Variants in WDR12 observed in about 807,000 individuals in gnomAD.
WDR12 encodes WD repeat domain 12.
Under a neutral mutation model 64.3 loss-of-function variants are expected in WDR12, and 42 were observed. The observed-to-expected ratio is 0.65, with a 90% confidence interval of 0.51 to 0.84. WDR12 has a LOEUF of 0.84. Among genes scored for constraint, WDR12 ranks in the 40% least tolerant of loss-of-function variants. WDR12 has a pLI of 0.00. For synonymous variants in WDR12, 158 were observed against 173.3 expected, an observed-to-expected ratio of 0.91 and a Z score of 0.70; for missense variants, 469 against 494.6, an observed-to-expected ratio of 0.95 and a Z score of 0.49.
At chr2:202,896,340 C>G in intron 5 of WDR12, 121 bp from the exon 6 acceptor site, 1 of 1,095,842 alleles carries the variant, frequency 9.1e-7, no homozygotes, top group Non-Finnish European at 1.3e-6. Flanking sequence ...AAAAAGATAA[C>G]TCATATGGCC....
chr2:202,907,547 C>T (rs1006207345), intron 2 of WDR12, among the ~76,000 whole-genome samples: 2 of 152,182 alleles, frequency 1.3e-5, no homozygotes, highest in African/African-American at 4.8e-5. Context: ...GCCTGCATAA[C>T]TCAGCCCTCT....
rs1391971079 is a variant in WDR12, at chr2:202,878,443, AAAG to A, written c.*2414_*2416del. On this transcript the variant is annotated 3_prime_UTR_variant, in exon 13 of 13. Coordinates refer to ENST00000261015, the MANE Select transcript of WDR12 (RefSeq NM_018256.4). ...TATACCAATCAGCACAAAATGAGAA[AAAG>A]AAGGATTCTGTGCATGAATTTTCTG... The A allele has an allele frequency of 1.3e-5, 2 of 152,226 alleles. No individual in the cohort carries two copies. Among genetic ancestry groups the A allele is most frequent in the East Asian group, 3.8e-4 (2 of 5,198 alleles). The allele number at this position is 152,226 out of a possible 1,614,324, so 9.4% of individuals were successfully genotyped here. A position where few individuals can be genotyped will look rare whatever the true frequency, so the allele number is the denominator to read the frequency against.
At chr2:202,901,181 T>C in intron 2 of WDR12, 62 bp from the exon 3 acceptor site, 1 of 1,295,944 alleles carries the variant, frequency 7.7e-7, no homozygotes, top group Non-Finnish European at 1.1e-6. Context: ...GGCAGAGGTA[T>C]ATGAGAACTC....
intron 6 of WDR12, 68 bp from the exon 7 acceptor site, chr2:202,894,694 G>C: frequency 7.5e-7 from 1 of 1,332,166 alleles, no homozygotes; most frequent in Non-Finnish European, 1.0e-6. Flanking sequence ...TACAACAGTA[G>C]GTCTCTTCCT....
chr2:202,901,612 A>G (rs1205262746), intron 2 of WDR12, among the ~76,000 whole-genome samples: 1 of 152,232 alleles, frequency 6.6e-6, no homozygotes, highest in African/African-American at 2.4e-5. Flanking sequence ...GCTTTCAAAA[A>G]TCAGCATCCA....
At chr2:202,891,878 ACAGAG>A (rs1688162406) in intron 8 of WDR12, among the ~76,000 whole-genome samples, 1 of 152,210 alleles carries the variant, frequency 6.6e-6, no homozygotes, top group Admixed American at 6.5e-5. Flanking sequence ...TCATGGAAGC[ACAGAG>A]TACAACAGTG....
intron 3 of WDR12, among the ~76,000 whole-genome samples, chr2:202,900,569 ATTATAAG>A (rs1472735809): frequency 6.6e-6 from 1 of 152,162 alleles, no homozygotes; most frequent in African/African-American, 2.4e-5. Context: ...ACAAGCAACA[ATTATAAG>A]TTATATTTTT....
chr2:202,898,636 C>T (rs1349680465), intron 4 of WDR12, among the ~76,000 whole-genome samples: 1 of 152,174 alleles, frequency 6.6e-6, no homozygotes, highest in African/African-American at 2.4e-5. Context: ...GATATCTGTA[C>T]CTTCTTTGCT....
At chr2:202,882,653 A>T in intron 12 of WDR12, 58 bp downstream of exon 12, 1 of 1,557,030 alleles carries the variant, frequency 6.4e-7, no homozygotes, top group East Asian at 2.3e-5. Flanking sequence ...TTATAAACAC[A>T]AACACCAGAT....
chr2:202,895,781 C>T lies in WDR12; in HGVS notation c.609+284G>A, dbSNP rs565182823. On this transcript the variant is annotated intron_variant, in intron 6 of 12. Transcript: ENST00000261015. ...CTGACCTCAGGTGATCTGCCCGCCT[C>T]GGCCTCCCAAAGTGCTGGGATTACA... Among the ~76,000 whole-genome samples the T allele has an allele frequency of 1.0e-3, 152 of 151,194 alleles. No homozygotes were observed. In the Middle Eastern group the frequency reaches 0.01, roughly 10 times the overall value.
In WDR12 at chr2:202,874,405, A is replaced by G. The variant is rs1687822265; in HGVS notation, c.*6455T>C. 6.6e-6 allele frequency among the ~76,000 whole-genome samples: 1 copy of G among 152,218 alleles called. No individual in the cohort carries two copies. Among genetic ancestry groups the G allele is most frequent in the South Asian group, 2.1e-4 (1 of 4,832 alleles). On this transcript the variant is annotated 3_prime_UTR_variant, in exon 13 of 13. Transcript: ENST00000261015. ...TTTTACAAGCTAACTAGACAAGAACATTAGATGACTTGGAATGTAGGGCTC... is the reference window on the plus strand; with the variant it reads ...TTTTACAAGCTAACTAGACAAGAACGTTAGATGACTTGGAATGTAGGGCTC...
intron 2 of WDR12, among the ~76,000 whole-genome samples, chr2:202,904,446 A>G (rs527387522): frequency 7.1e-4 from 108 of 152,334 alleles, no homozygotes; most frequent in African/African-American, 2.5e-3. Context: ...AAATTATACT[A>G]CAGAGCTATA....
At chr2:202,888,317 C>G (rs2105904869) in intron 8 of WDR12, among the ~76,000 whole-genome samples, 1 of 152,260 alleles carries the variant, frequency 6.6e-6, no homozygotes, top group South Asian at 2.1e-4. Flanking sequence ...GGAAAGTTGA[C>G]AAGAAGGGGC....
In WDR12 at chr2:202,883,751, G is replaced by A. The variant is rs1445846927; in HGVS notation, c.989-10C>T. 2.5e-6 allele frequency: 4 copies of A among 1,604,524 alleles called. No individual in the cohort carries two copies. In the Admixed American group the frequency reaches 5.3e-5, roughly 21 times the overall value. ...GACACCAAAGAACCATCTGAACAAA[G>A]CAAAAAAGACAAGCGTTGAATTTTA... On this transcript the variant is annotated splice_polypyrimidine_tract_variant and intron_variant, in intron 10 of 12. Coordinates refer to ENST00000261015, the MANE Select transcript of WDR12 (RefSeq NM_018256.4).
At chr2:202,881,407 G>T (rs1157717748) in intron 12 of WDR12, among the ~76,000 whole-genome samples, 2 of 152,114 alleles carry the variant, frequency 1.3e-5, no homozygotes, top group Non-Finnish European at 2.9e-5. Flanking sequence ...GCAGACTTAT[G>T]CAAGATTTTT....
rs1221498079 is a variant in WDR12 at position 202,874,370 on chromosome 2, T to C, written c.*6490A>G. ...AGGGGAAAAAAGGGGTTTTCCTCCA[T>C]TGTATAGACTTTTACAAGCTAACTA... On this transcript the variant is annotated 3_prime_UTR_variant, in exon 13 of 13. Coordinates refer to ENST00000261015, the MANE Select transcript of WDR12 (RefSeq NM_018256.4). Among the ~76,000 whole-genome samples, 1 of 152,180 alleles carries C rather than the reference T, an allele frequency of 6.6e-6. No individual in the cohort carries two copies. The highest frequency in any genetic ancestry group is 1.5e-5 in the Non-Finnish European group (1 of 68,026).
At position 202,882,766 on chromosome 2, in the gene WDR12, T is replaced by C. The variant is rs1481583048; in HGVS notation, c.1139A>G (p.Tyr380Cys). 1 of 1,613,980 alleles carries C rather than the reference T, an allele frequency of 6.2e-7. No homozygotes were observed. The highest frequency in any genetic ancestry group is 8.5e-7 in the Non-Finnish European group (1 of 1,179,932). The stretch of plus-strand genomic sequence containing the variant: ...TTTGTCTTCATGAGCAGCCAGATCA[T>C]AGAGAGGAGCCTTACAACTAAAAGA... Reference protein sequence around the residue: ...WDTRSCKAPLYDLAAHEDKVL... With the variant: ...WDTRSCKAPLCDLAAHEDKVL... Residue 380 changes from tyrosine (Y) to cysteine (C), a missense_variant, in exon 12 of 13, where the codon TAT becomes TGT. Transcript: ENST00000261015.
intron 4 of WDR12, among the ~76,000 whole-genome samples, chr2:202,898,586 T>C (rs1688293858): frequency 1.3e-5 from 2 of 152,196 alleles, no homozygotes; most frequent in Non-Finnish European, 2.9e-5. Context: ...TACTCTTGAG[T>C]TGTTTTCCTA....
chr2:202,879,380 C>T lies in WDR12; in HGVS notation c.*1480G>A, dbSNP rs563306401. On this transcript the variant is annotated 3_prime_UTR_variant, in exon 13 of 13. Coordinates refer to ENST00000261015, the MANE Select transcript of WDR12 (RefSeq NM_018256.4). ...CTGACATATATTTAATATAAAGTGC[C>T]TTCCTTAAAATATCTTGATGAATTC... 2 of 151,580 alleles carry T rather than the reference C, an allele frequency of 1.3e-5. No individual in the cohort carries two copies. The highest frequency in any genetic ancestry group is 3.9e-4 in the East Asian group (2 of 5,096). 9.4% of individuals were successfully genotyped at this position (151,580 alleles called of 1,614,324 possible).
Sources: gnomAD v4.1 joint callset for allele counts (sites outside exome capture counted in the v4.1 genomes callset) on GRCh38, gnomAD v4.1.1 for gene constraint, MANE v1.5 for transcripts, NCBI Gene and HGNC (gene_info 2026-07-23, HGNC 2026-07-21) for gene names.